STX18: variants seen among roughly 807,000 people sequenced by gnomAD.
The protein encoded by STX18 is syntaxin 18.
A neutral mutation model predicts 50.1 loss-of-function variants in STX18; 40 were observed. That is an observed-to-expected ratio of 0.80 (90% confidence interval 0.62 to 1.04). STX18 has a LOEUF of 1.04. STX18 is among the 50% of genes least tolerant of loss of function. The probability of loss-of-function intolerance (pLI) is 0.00; values close to 1 mark genes in which losing one functional copy is unlikely to be tolerated. For synonymous variants in STX18, 158 were observed against 151.8 expected, an observed-to-expected ratio of 1.04 and a Z score of -0.30; for missense variants, 410 against 415.8, an observed-to-expected ratio of 0.99 and a Z score of 0.12.
chr4:4,507,289 C>G (rs1421561881), intron 1 of STX18: 2 of 715,140 alleles, frequency 2.8e-6, no homozygotes, highest in African/African-American at 3.5e-5. Context: ...TCTTCTGGAG[C>G]TGGAAAAGAA....
chr4:4,440,838 A>T (rs188490604), intron 5 of STX18, among the ~76,000 whole-genome samples: 54 of 152,300 alleles, frequency 3.5e-4, no homozygotes, highest in South Asian at 1.0e-3. Context: ...TAGTGCCTTG[A>T]AACAGTGAGA....
In STX18 at chr4:4,424,044, G is replaced by GA. The variant is rs199773343; in HGVS notation, c.762-458dup. 5.4e-3 allele frequency among the ~76,000 whole-genome samples: 816 copies of GA among 152,114 alleles called. 1 individual carries two copies. The highest frequency in any genetic ancestry group is 0.044 in the Middle Eastern group (13 of 294). ...CTTTGTTAATGCTCAGCAGGTTAAA[G>GA]AAAAAAGTGTATTTACCTTCAAACC... On this transcript the variant is annotated intron_variant, in intron 8 of 10. Coordinates refer to ENST00000306200, the MANE Select transcript of STX18 (RefSeq NM_016930.4).
intron 7 of STX18, among the ~76,000 whole-genome samples, chr4:4,434,020 G>T (rs1725652074): frequency 6.6e-6 from 1 of 152,214 alleles, no homozygotes; most frequent in Non-Finnish European, 1.5e-5. Flanking sequence ...TGGATAAAAT[G>T]AGAATCAAAA....
intron 1 of STX18, among the ~76,000 whole-genome samples, chr4:4,520,945 A>T (rs149909780): frequency 1.6e-3 from 247 of 152,324 alleles, no homozygotes; most frequent in African/African-American, 5.4e-3. Flanking sequence ...TCCCAAAAAC[A>T]ACATTGTACA....
chr4:4,421,049 A>T (rs1407405682), intron 9 of STX18, 105 bp from the exon 10 acceptor site: 3 of 1,179,900 alleles, frequency 2.5e-6, no homozygotes, highest in Non-Finnish European at 3.7e-6. Context: ...CAGCGCTCAG[A>T]AAGTTTCAGA....
chr4:4,541,835 G>C lies in STX18; in HGVS notation c.130C>G (p.Arg44Gly). The change falls in exon 1 of 11, where the codon CGG (arginine) becomes GGG (glycine). Residue 44 changes from arginine to glycine, a missense_variant. Transcript: ENST00000306200. ...SRDELFRRSP[R>G]PKGDFSSRAR... Reference sequence around the variant, plus strand: ...CGGCTGGAGAAGTCGCCCTTGGGCCGGGGGCTCCGGCGGAACAGCTCGTCC... The same window carrying C: ...CGGCTGGAGAAGTCGCCCTTGGGCCCGGGGCTCCGGCGGAACAGCTCGTCC... The C allele has an allele frequency of 5.0e-6, 8 of 1,610,174 alleles. No individual in the cohort carries two copies. Among genetic ancestry groups the C allele is most frequent in the Non-Finnish European group, 6.8e-6 (8 of 1,178,640 alleles).
At chr4:4,436,406 C>T (rs1489360085) in intron 6 of STX18, among the ~76,000 whole-genome samples, 1 of 151,482 alleles carries the variant, frequency 6.6e-6, no homozygotes, top group East Asian at 1.9e-4. Flanking sequence ...TCATCTACCC[C>T]CCACCCCCAC....
At chr4:4,421,899 A>G (rs970179225) in intron 9 of STX18, among the ~76,000 whole-genome samples, 9 of 152,166 alleles carry the variant, frequency 5.9e-5, no homozygotes, top group African/African-American at 1.9e-4. Flanking sequence ...GAAGCGTGGG[A>G]TAACACAGGG....
chr4:4,507,095 G>A (rs186314761), intron 1 of STX18: 15 of 541,552 alleles, frequency 2.8e-5, no homozygotes, highest in African/African-American at 1.1e-4. Context: ...CAGTTGGAGC[G>A]CCAAGATCGT....
chr4:4,449,047 T>G (rs1560169262), intron 5 of STX18, among the ~76,000 whole-genome samples: 1 of 148,116 alleles, frequency 6.8e-6, no homozygotes, highest in South Asian at 2.2e-4. Context: ...CCATTCTTTT[T>G]TTTTTTTTTT....
chr4:4,485,876 T>C (rs1287037673), intron 1 of STX18, among the ~76,000 whole-genome samples: 1 of 152,200 alleles, frequency 6.6e-6, no homozygotes, highest in Non-Finnish European at 1.5e-5. Flanking sequence ...ACTGGTACTT[T>C]CCTGCACGGA....
intron 1 of STX18, among the ~76,000 whole-genome samples, chr4:4,530,365 A>G (rs1048895770): frequency 6.6e-6 from 1 of 151,006 alleles, no homozygotes; most frequent in Non-Finnish European, 1.5e-5. Context: ...AGCTAACATA[A>G]TAATATAAGC....
intron 3 of STX18, among the ~76,000 whole-genome samples, chr4:4,459,062 G>GCGCACACACACACA (rs71638564): frequency 5.5e-5 from 8 of 144,392 alleles, no homozygotes; most frequent in South Asian, 2.3e-4. Flanking sequence ...ACACACACAC[G>GCGCACACACACACA]CACACACACA....
At chr4:4,514,270 A>G (rs1274557745) in intron 1 of STX18, among the ~76,000 whole-genome samples, 1 of 152,224 alleles carries the variant, frequency 6.6e-6, no homozygotes. Flanking sequence ...GCAGTTCCAT[A>G]AAAATTGCCA....
At chr4:4,493,341 A>C (rs1254640734) in intron 1 of STX18, among the ~76,000 whole-genome samples, 1 of 132,358 alleles carries the variant, frequency 7.6e-6, no homozygotes, top group Admixed American at 9.2e-5. Context: ...GAGAAAATTT[A>C]CTAGGCACTT....
intron 1 of STX18, among the ~76,000 whole-genome samples, chr4:4,529,617 C>T (rs916473193): frequency 6.6e-6 from 1 of 152,178 alleles, no homozygotes; most frequent in Non-Finnish European, 1.5e-5. Context: ...CCTGTGCATG[C>T]CCAAGAGCTG....
intron 6 of STX18, among the ~76,000 whole-genome samples, chr4:4,436,121 G>T (rs1192666850): frequency 1.3e-5 from 2 of 152,214 alleles, no homozygotes; most frequent in Non-Finnish European, 2.9e-5. Flanking sequence ...TCTTTAAATA[G>T]GGGAAGAGAA....
intron 1 of STX18, among the ~76,000 whole-genome samples, chr4:4,502,230 T>C (rs1419747293): frequency 2.0e-5 from 3 of 152,144 alleles, no homozygotes; most frequent in East Asian, 1.9e-4. Context: ...AAAATTACAT[T>C]AGTATAAAAT....
At chr4:4,506,518 T>C (rs975309690) in intron 1 of STX18, among the ~76,000 whole-genome samples, 12 of 151,972 alleles carry the variant, frequency 7.9e-5, no homozygotes, top group Admixed American at 2.0e-4. Flanking sequence ...TTCACGGGAG[T>C]GGGTGTGACC....
Sources: gnomAD v4.1 joint callset for allele counts (sites outside exome capture counted in the v4.1 genomes callset) on GRCh38, gnomAD v4.1.1 for gene constraint, MANE v1.5 for transcripts, NCBI Gene and HGNC (gene_info 2026-07-23, HGNC 2026-07-21) for gene names.